DENND1B: variants seen among roughly 807,000 people sequenced by gnomAD.
DENND1B encodes the protein DENN domain containing 1B.
DENND1B carries 59 observed loss-of-function variants against 90.1 expected under a neutral mutation model. The observed-to-expected ratio is 0.65, with a 90% CI of 0.53 to 0.81. The LOEUF (loss-of-function observed/expected upper bound fraction) is 0.81, where lower values mean the gene tolerates loss of function less well. Ranked by LOEUF, DENND1B falls within the 40% of genes least tolerant of loss-of-function variation. The probability of loss-of-function intolerance (pLI) is 0.00; values close to 1 mark genes in which losing one functional copy is unlikely to be tolerated. For missense variants in DENND1B, 862 were observed against 912.6 expected (o/e 0.94, Z 0.71); for synonymous variants, 337 against 324.6 (o/e 1.04, Z -0.41).
intron 10 of DENND1B, among the ~76,000 whole-genome samples, chr1:197,626,628 A>T (rs184783493): frequency 6.6e-6 from 1 of 152,268 alleles, no homozygotes; most frequent in Admixed American, 6.5e-5. Context: ...TAGAAGAGCA[A>T]GAGCAAACAC....
chr1:197,751,254 GA>G (rs1653468248), intron 2 of DENND1B, among the ~76,000 whole-genome samples: 1 of 152,078 alleles, frequency 6.6e-6, no homozygotes, highest in African/African-American at 2.4e-5. Flanking sequence ...TAAATCAAAT[GA>G]AAAATAACTA....
At chr1:197,704,395 TA>T (rs1659324673) in intron 3 of DENND1B, among the ~76,000 whole-genome samples, 1 of 152,172 alleles carries the variant, frequency 6.6e-6, no homozygotes. Context: ...ACTACCAAAC[TA>T]ATTTCCTCGC....
chr1:197,659,250 T>G (rs904442897), intron 5 of DENND1B, among the ~76,000 whole-genome samples: 2 of 151,622 alleles, frequency 1.3e-5, no homozygotes, highest in African/African-American at 4.8e-5. Flanking sequence ...ACACATAACA[T>G]GTAAAATTTA....
At chr1:197,550,145 T>G (rs1391129805) in intron 16 of DENND1B, among the ~76,000 whole-genome samples, 2 of 152,172 alleles carry the variant, frequency 1.3e-5, no homozygotes, top group Admixed American at 1.3e-4. Flanking sequence ...TTAATGTTAA[T>G]TTCTGCCACA....
Position 197,504,987 on chromosome 1 carries a change from C to T in DENND1B, c.*5473G>A, listed in dbSNP as rs571175096. 4.6e-5 allele frequency: 7 copies of T among 151,792 alleles called. No individual in the cohort carries two copies. The highest frequency in any genetic ancestry group is 2.1e-4 in the South Asian group (1 of 4,814). The allele number at this position is 151,792 out of a possible 1,614,324, so 9.4% of individuals were successfully genotyped here. On this transcript the variant is annotated 3_prime_UTR_variant, in exon 23 of 23. Transcript: ENST00000620048. Reference sequence around the variant, plus strand: ...TTTTTACAGATATCTGCTACCAAGACGAGCAAAAAGCTCAGGGTTTTCAGT... The same window carrying T: ...TTTTTACAGATATCTGCTACCAAGATGAGCAAAAAGCTCAGGGTTTTCAGT...
chr1:197,529,224 ATATATATATATATATATATGTG>A (rs1485016715), intron 20 of DENND1B, among the ~76,000 whole-genome samples: 1 of 19,118 alleles, frequency 5.2e-5, no homozygotes, highest in African/African-American at 1.1e-4. Context: ...ATATATATAT[ATATATATATATATATATATGTG>A]TGTGTGTGTG....
chr1:197,594,799 A>G (rs1335760727), intron 14 of DENND1B, among the ~76,000 whole-genome samples: 1 of 152,076 alleles, frequency 6.6e-6, no homozygotes, highest in African/African-American at 2.4e-5. Flanking sequence ...TTCAAGTTCT[A>G]TTTTTCTTAA....
chr1:197,742,536 A>G (rs528395220), intron 2 of DENND1B, among the ~76,000 whole-genome samples: 1 of 152,324 alleles, frequency 6.6e-6, no homozygotes, highest in East Asian at 1.9e-4. Flanking sequence ...CAGCTGGCCC[A>G]CTATAAACAA....
chr1:197,577,386 C>G (rs900638553), intron 15 of DENND1B, among the ~76,000 whole-genome samples: 1 of 152,056 alleles, frequency 6.6e-6, no homozygotes, highest in African/African-American at 2.4e-5. Context: ...AGCCACCCCC[C>G]ATACTCTTTA....
chr1:197,534,325 A>C (rs1368731627), intron 20 of DENND1B, among the ~76,000 whole-genome samples: 1 of 152,206 alleles, frequency 6.6e-6, no homozygotes, highest in Non-Finnish European at 1.5e-5. Context: ...GGTATTAATG[A>C]GACTGAGCAT....
chr1:197,614,278 T>G (rs1369865092), intron 11 of DENND1B, among the ~76,000 whole-genome samples: 4 of 151,044 alleles, frequency 2.6e-5, no homozygotes, highest in Non-Finnish European at 5.9e-5. Context: ...TCACAAAATC[T>G]AAAACACAGA....
intron 14 of DENND1B, among the ~76,000 whole-genome samples, chr1:197,583,807 T>C (rs1465767912): frequency 6.6e-6 from 1 of 152,222 alleles, no homozygotes; most frequent in Non-Finnish European, 1.5e-5. Context: ...AGTAATCATA[T>C]TTTTGCAAGC....
intron 2 of DENND1B, among the ~76,000 whole-genome samples, chr1:197,720,497 T>C (rs934631491): frequency 3.3e-5 from 5 of 151,914 alleles, no homozygotes; most frequent in African/African-American, 1.2e-4. Context: ...TGCCTCCGCC[T>C]CCCAAAGTGC....
intron 10 of DENND1B, among the ~76,000 whole-genome samples, chr1:197,622,854 T>C (rs938729301): frequency 1.3e-5 from 2 of 151,482 alleles, no homozygotes; most frequent in African/African-American, 4.8e-5. Flanking sequence ...AGTCTATTAA[T>C]AAAACTAGAA....
At chr1:197,530,892 T>C (rs1669566250) in intron 20 of DENND1B, among the ~76,000 whole-genome samples, 1 of 152,214 alleles carries the variant, frequency 6.6e-6, no homozygotes, top group South Asian at 2.1e-4. Context: ...AGTACCTTTT[T>C]CAAAGTTAAG....
At chr1:197,591,694 C>A (rs1456687987) in intron 14 of DENND1B, among the ~76,000 whole-genome samples, 1 of 152,146 alleles carries the variant, frequency 6.6e-6, no homozygotes, top group Non-Finnish European at 1.5e-5. Context: ...GCCTATACCA[C>A]CTGTTTCCAT....
intron 11 of DENND1B, among the ~76,000 whole-genome samples, chr1:197,612,761 T>A (rs1042980372): frequency 6.6e-6 from 1 of 150,636 alleles, no homozygotes; most frequent in East Asian, 2.0e-4. Context: ...TTGGGAACAA[T>A]AATAGACAAT....
At chr1:197,615,898 A>T (rs1221608472) in intron 11 of DENND1B, among the ~76,000 whole-genome samples, 4 of 150,974 alleles carry the variant, frequency 2.6e-5, no homozygotes, top group Non-Finnish European at 4.5e-5. Flanking sequence ...GACACTAGAA[A>T]GAAAATTCCA....
chr1:197,635,141 G>A (rs1679670653), intron 10 of DENND1B, among the ~76,000 whole-genome samples: 1 of 151,992 alleles, frequency 6.6e-6, no homozygotes. Context: ...ATAAATCAAG[G>A]GATACATTTC....
Sources: allele counts gnomAD v4.1 joint callset (sites outside exome capture counted in the v4.1 genomes callset), GRCh38; gene constraint gnomAD v4.1.1; transcripts MANE v1.5; gene names NCBI Gene and HGNC (gene_info 2026-07-23, HGNC 2026-07-21).